The following TOM1L1 variants were observed in gnomAD, a reference collection of about 807,000 sequenced individuals.
TOM1L1 encodes TOM1-like protein 1.
Under a neutral mutation model 63.4 loss-of-function variants are expected in TOM1L1, and 64 were observed. That is an observed-to-expected ratio of 1.01 (90% CI 0.83 to 1.24). The LOEUF (loss-of-function observed/expected upper bound fraction) is 1.24, where lower values mean the gene tolerates loss of function less well. Among genes scored for constraint, TOM1L1 ranks in the 50% most tolerant of loss-of-function variants. TOM1L1 has a pLI of 0.00. For synonymous variants in TOM1L1, 166 were observed against 194.4 expected (o/e 0.85, Z 1.22); for missense variants, 536 against 567.0 (o/e 0.95, Z 0.55).
rs2143730747 is a variant in TOM1L1 at position 54,905,530 on chromosome 17, A to G, written c.185A>G (p.Lys62Arg). ...AVKALKKRIS[K>R]NYNHKEIQLT... is the part of the protein sequence containing the mutation. ...AAAGCTTTGAAGAAAAGGATTTCCA[A>G]AAACTACAATCATAAAGAAATCCAA... The change falls in exon 3 of 16, where the codon AAA becomes AGA. Residue 62 changes from lysine to arginine, a missense_variant. Lys to Arg is a conservative substitution (Grantham distance 26). Transcript: ENST00000575882. The G allele has an allele frequency of 1.2e-6, 2 of 1,612,360 alleles. No individual in the cohort carries two copies. Among genetic ancestry groups the G allele is most frequent in the East Asian group, 4.5e-5 (2 of 44,824 alleles).
intron 3 of TOM1L1, among the ~76,000 whole-genome samples, chr17:54,908,312 G>A (rs1488341645): frequency 6.6e-6 from 1 of 152,164 alleles, no homozygotes; most frequent in Non-Finnish European, 1.5e-5. Context: ...TCCCTGAGTT[G>A]TGTATTTAAT....
At chr17:54,939,102 A>T (rs969436476) in intron 11 of TOM1L1, 82 bp downstream of exon 11, 5 of 960,274 alleles carry the variant, frequency 5.2e-6, no homozygotes, top group Non-Finnish European at 7.9e-6. Context: ...GGCTGGGCGC[A>T]GTGACTTACA....
At chr17:54,919,373 A>G (rs2048643879) in intron 7 of TOM1L1, among the ~76,000 whole-genome samples, 1 of 152,230 alleles carries the variant, frequency 6.6e-6, no homozygotes, top group African/African-American at 2.4e-5. Flanking sequence ...GAAATGATTT[A>G]TGACTTTTTC....
intron 14 of TOM1L1, among the ~76,000 whole-genome samples, chr17:54,950,886 C>G (rs903795374): frequency 6.6e-6 from 1 of 152,168 alleles, no homozygotes; most frequent in Non-Finnish European, 1.5e-5. Context: ...ACAATGAATG[C>G]AGAGACTTCT....
chr17:54,923,882 G>A (rs1478425337), intron 7 of TOM1L1, among the ~76,000 whole-genome samples: 1 of 152,094 alleles, frequency 6.6e-6, no homozygotes, highest in Admixed American at 6.6e-5. Context: ...CTACTCAGGA[G>A]GTTGAGGCAG....
At chr17:54,913,665 CAAAAAAAAA>C (rs58570485) in intron 4 of TOM1L1, 74 bp from the exon 5 acceptor site, 71 of 1,079,152 alleles carry the variant, frequency 6.6e-5, no homozygotes, top group Middle Eastern at 3.1e-4. Flanking sequence ...GACTCTGTCT[CAAAAAAAAA>C]AAAAAAAAAA....
In TOM1L1 at chr17:54,948,812, A is replaced by G. The variant is rs371193505; in HGVS notation, c.1183-706A>G. On this transcript the variant is annotated intron_variant, in intron 12 of 15. Transcript: ENST00000575882. ...AGAGATATTTCTAATTAAGATTCTA[A>G]TATTTTATCAATCCTGATTTTGTTG... Among the ~76,000 whole-genome samples, 29 of 152,330 alleles carry G rather than the reference A, an allele frequency of 1.9e-4. No homozygotes were observed. In the South Asian group the frequency reaches 6.0e-3, roughly 32 times the overall value.
chr17:54,936,523 G>C, intron 8 of TOM1L1, 126 bp from the exon 9 acceptor site: 1 of 768,730 alleles, frequency 1.3e-6, no homozygotes, highest in East Asian at 2.8e-5. Context: ...GTATTTTACT[G>C]ATAATTGTGT....
chr17:54,934,644 C>G (rs2143881739), intron 8 of TOM1L1, among the ~76,000 whole-genome samples: 1 of 152,114 alleles, frequency 6.6e-6, no homozygotes, highest in Middle Eastern at 3.4e-3. Flanking sequence ...AGGGCTTGAT[C>G]TAGGAAGGTT....
chr17:54,906,852 T>A, intron 3 of TOM1L1: 1 of 975,090 alleles, frequency 1.0e-6, no homozygotes, highest in South Asian at 4.7e-5. Context: ...GTGAGCTGTG[T>A]AGCTTTCTGA....
chr17:54,910,289 C>G (rs568553527), intron 3 of TOM1L1, among the ~76,000 whole-genome samples: 8 of 152,218 alleles, frequency 5.3e-5, no homozygotes, highest in African/African-American at 1.7e-4. Context: ...AAACCCATGT[C>G]TACTAAAAAT....
At chr17:54,928,236 C>T (rs2048799609) in intron 7 of TOM1L1, among the ~76,000 whole-genome samples, 1 of 151,968 alleles carries the variant, frequency 6.6e-6, no homozygotes, top group Non-Finnish European at 1.5e-5. Context: ...TGTCAAGCAC[C>T]CATAATTCGT....
chr17:54,925,937 G>A (rs1168663832), intron 7 of TOM1L1, among the ~76,000 whole-genome samples: 2 of 148,880 alleles, frequency 1.3e-5, no homozygotes, highest in African/African-American at 5.0e-5. Flanking sequence ...AAAGCAGCCT[G>A]TATACTTGGA....
intron 2 of TOM1L1, among the ~76,000 whole-genome samples, chr17:54,905,050 TA>T (rs1433563540): frequency 6.6e-6 from 1 of 152,208 alleles, no homozygotes; most frequent in East Asian, 1.9e-4. Context: ...AATTGTGGCG[TA>T]TTGGCAGCTG....
chr17:54,915,895 G>A, intron 7 of TOM1L1, 33 bp downstream of exon 7: 1 of 1,532,266 alleles, frequency 6.5e-7, no homozygotes, highest in Non-Finnish European at 9.0e-7. Flanking sequence ...ATCAGTCAAA[G>A]TGTCTCTTAA....
At chr17:54,911,210 C>G (rs2143762776) in intron 3 of TOM1L1, among the ~76,000 whole-genome samples, 1 of 152,260 alleles carries the variant, frequency 6.6e-6, no homozygotes, top group East Asian at 1.9e-4. Flanking sequence ...CTCCAGGAAA[C>G]TTTTCTTTTG....
chr17:54,940,680 A>G (rs2049020596), intron 11 of TOM1L1, among the ~76,000 whole-genome samples: 1 of 152,204 alleles, frequency 6.6e-6, no homozygotes, highest in African/African-American at 2.4e-5. Flanking sequence ...AAGTAGGAAA[A>G]AAAGGTGCTA....
intron 3 of TOM1L1, among the ~76,000 whole-genome samples, chr17:54,909,793 A>G (rs998347874): frequency 1.3e-5 from 2 of 152,232 alleles, no homozygotes; most frequent in African/African-American, 4.8e-5. Flanking sequence ...TGAGTTTTCA[A>G]TCCCACCTCA....
chr17:54,930,153 T>C lies in TOM1L1; in HGVS notation c.801T>C (p.Val267=). The change falls in exon 8 of 16, where the codon GTT becomes GTC. Residue 267 remains valine (V), a synonymous_variant. Transcript: ENST00000575882. ...LVVVENEDVT[V]ELIQVNEDLN... Reference sequence around the variant, plus strand: ...TGGTGGAGAACGAAGATGTAACTGTTGAGCTAATTCAGGTGAATGAGGATT... The same window carrying C: ...TGGTGGAGAACGAAGATGTAACTGTCGAGCTAATTCAGGTGAATGAGGATT... 1 of 1,614,000 alleles carries C rather than the reference T, an allele frequency of 6.2e-7. No homozygotes were observed. The highest frequency in any genetic ancestry group is 8.5e-7 in the Non-Finnish European group (1 of 1,179,904).
Sources: gnomAD v4.1 joint callset for allele counts (sites outside exome capture counted in the v4.1 genomes callset) on GRCh38, gnomAD v4.1.1 for gene constraint, MANE v1.5 for transcripts, NCBI Gene and HGNC (gene_info 2026-07-23, HGNC 2026-07-21) for gene names.